Variants in BNC2 observed in about 807,000 individuals in gnomAD.
BNC2 encodes the protein zinc finger protein basonuclin-2.
A neutral mutation model predicts 76.3 loss-of-function variants in BNC2; 20 were observed. That is an observed-to-expected ratio of 0.26 (90% CI 0.18 to 0.38). The LOEUF (loss-of-function observed/expected upper bound fraction) is 0.38, where lower values mean the gene tolerates loss of function less well. Among genes scored for constraint, BNC2 ranks in the 10% least tolerant of loss-of-function variants. The probability of loss-of-function intolerance (pLI) is 1.00; values close to 1 mark genes in which losing one functional copy is unlikely to be tolerated. For synonymous variants in BNC2, 582 were observed against 514.8 expected (o/e 1.13, Z -1.77); for missense variants, 1,382 against 1,399.8 (o/e 0.99, Z 0.20).
rs1042792848 is a variant in BNC2 at position 16,510,564 on chromosome 9, C to T, written c.669+41966G>A. On this transcript the variant is annotated intron_variant, in intron 5 of 6. Transcript: ENST00000380672. Reference sequence around the variant, plus strand: ...TAGCTACATGCTGTATATATTTGCACCAGCTCTTCAAATACAAGACCTAAA... The same window carrying T: ...TAGCTACATGCTGTATATATTTGCATCAGCTCTTCAAATACAAGACCTAAA... 3.9e-5 allele frequency among the ~76,000 whole-genome samples: 6 copies of T among 152,210 alleles called. 1 individual carries two copies. The highest frequency in any genetic ancestry group is 8.8e-5 in the Non-Finnish European group (6 of 68,048).
chr9:16,621,549 A>G (rs1014325244), intron 3 of BNC2, among the ~76,000 whole-genome samples: 3 of 152,200 alleles, frequency 2.0e-5, no homozygotes, highest in Admixed American at 1.3e-4. Flanking sequence ...ATAAGGTTTC[A>G]GTTACTTTTT....
At chr9:16,598,744 C>A (rs929305282) in intron 3 of BNC2, among the ~76,000 whole-genome samples, 1 of 152,134 alleles carries the variant, frequency 6.6e-6, no homozygotes, top group Admixed American at 6.6e-5. Flanking sequence ...CATACTGTAC[C>A]TGAAACCCAA....
chr9:16,700,428 G>A (rs568472055), intron 3 of BNC2, among the ~76,000 whole-genome samples: 5 of 152,178 alleles, frequency 3.3e-5, no homozygotes, highest in East Asian at 1.9e-4. Flanking sequence ...TGAGGATCAC[G>A]TGAGCCCAGG....
chr9:16,707,007 C>T (rs547009917), intron 3 of BNC2, among the ~76,000 whole-genome samples: 226 of 152,304 alleles, frequency 1.5e-3, no homozygotes, highest in African/African-American at 5.1e-3. Flanking sequence ...TCGAGACCAT[C>T]CTGGCTAACA....
chr9:16,513,789 C>T (rs981449750), intron 5 of BNC2, among the ~76,000 whole-genome samples: 2 of 152,136 alleles, frequency 1.3e-5, no homozygotes, highest in African/African-American at 4.8e-5. Flanking sequence ...GAAGGGCAGT[C>T]ATGGGCCTGG....
chr9:16,835,664 T>G (rs1818690032), intron 1 of BNC2, among the ~76,000 whole-genome samples: 1 of 152,196 alleles, frequency 6.6e-6, no homozygotes, highest in African/African-American at 2.4e-5. Flanking sequence ...ATAGCGCCAC[T>G]GCACTCCAGC....
At chr9:16,827,935 C>G (rs1818491156) in intron 1 of BNC2, among the ~76,000 whole-genome samples, 1 of 152,116 alleles carries the variant, frequency 6.6e-6, no homozygotes, top group Admixed American at 6.5e-5. Flanking sequence ...TGTCTGTATT[C>G]TTCATAAAGT....
chr9:16,685,620 C>T (rs1262170866), intron 3 of BNC2: 31 of 1,304,134 alleles, frequency 2.4e-5, no homozygotes, highest in Non-Finnish European at 3.0e-5. Flanking sequence ...CAGTACATGC[C>T]AATGGAACCT....
At chr9:16,528,870 CCA>C (rs1817892358) in intron 5 of BNC2, among the ~76,000 whole-genome samples, 1 of 152,122 alleles carries the variant, frequency 6.6e-6, no homozygotes. Context: ...CCTAGGGCTG[CCA>C]CACCAAATTA....
chr9:16,559,348 C>T (rs1818941475), intron 4 of BNC2, among the ~76,000 whole-genome samples: 1 of 152,148 alleles, frequency 6.6e-6, no homozygotes, highest in Admixed American at 6.5e-5. Context: ...GCCAATTCTT[C>T]TTCCATTGTG....
chr9:16,493,435 C>A (rs1173748526), intron 5 of BNC2, among the ~76,000 whole-genome samples: 1 of 152,206 alleles, frequency 6.6e-6, no homozygotes, highest in Admixed American at 6.5e-5. Flanking sequence ...ACAAACAACT[C>A]ATTCATTCAG....
intron 1 of BNC2, among the ~76,000 whole-genome samples, chr9:16,824,519 T>C (rs1586913585): frequency 6.6e-6 from 1 of 152,154 alleles, no homozygotes; most frequent in South Asian, 2.1e-4. Flanking sequence ...CAAACTGTTA[T>C]CTCCTTGATA....
At chr9:16,517,755 G>T (rs529771670) in intron 5 of BNC2, among the ~76,000 whole-genome samples, 2 of 151,978 alleles carry the variant, frequency 1.3e-5, no homozygotes, top group Admixed American at 1.3e-4. Context: ...TATGCCTGGG[G>T]TGTTTATATA....
intron 4 of BNC2, among the ~76,000 whole-genome samples, chr9:16,569,989 G>C (rs1819274830): frequency 6.6e-6 from 1 of 152,068 alleles, no homozygotes; most frequent in Non-Finnish European, 1.5e-5. Context: ...AGTAACTATT[G>C]AGATTTGCTA....
chr9:16,419,591 C>T lies in BNC2; in HGVS notation c.2698G>A (p.Gly900Ser), dbSNP rs781416101. 1.2e-6 allele frequency: 2 copies of T among 1,610,316 alleles called. No individual in the cohort carries two copies. The highest frequency in any genetic ancestry group is 1.7e-6 in the Non-Finnish European group (2 of 1,179,664). Residue 900 changes from glycine to serine, a missense_variant, in exon 7 of 7, where the codon GGC becomes AGC. By Grantham distance (56) the Gly-to-Ser change is moderately conservative (BLOSUM62 0). This residue lies in a region of BNC2 where 798 missense variants were observed against 775.5 expected (regional missense o/e 1.03). Coordinates refer to ENST00000380672, the MANE Select transcript of BNC2 (RefSeq NM_017637.6). Reference protein sequence around the residue: ...KLLTKELDDMGLDSSQPSLSK... With the variant: ...KLLTKELDDMSLDSSQPSLSK... Reference sequence around the variant, plus strand: ...AGGGAGGGCTGCGACGAGTCCAGGCCCATGTCATCGAGTTCTTTGGTCAAC... The same window carrying T: ...AGGGAGGGCTGCGACGAGTCCAGGCTCATGTCATCGAGTTCTTTGGTCAAC...
intron 5 of BNC2, among the ~76,000 whole-genome samples, chr9:16,547,115 C>A (rs1397845796): frequency 6.6e-6 from 1 of 152,206 alleles, no homozygotes; most frequent in African/African-American, 2.4e-5. Flanking sequence ...TTGGCAACAT[C>A]TATAAGAGGA....
intron 6 of BNC2, among the ~76,000 whole-genome samples, chr9:16,434,656 T>C (rs117690840): frequency 3.0e-4 from 45 of 152,330 alleles, no homozygotes; most frequent in Non-Finnish European, 5.0e-4. Flanking sequence ...ATTCCATTTA[T>C]ACTGCATTTT....
intron 1 of BNC2, among the ~76,000 whole-genome samples, chr9:16,774,512 C>T (rs1367538779): frequency 6.6e-6 from 1 of 152,204 alleles, no homozygotes; most frequent in Non-Finnish European, 1.5e-5. Context: ...CTTCGAAAGA[C>T]ATTTGGAATA....
chr9:16,438,239 A>C (rs1456939850), intron 5 of BNC2, among the ~76,000 whole-genome samples: 1 of 152,212 alleles, frequency 6.6e-6, no homozygotes, highest in African/African-American at 2.4e-5. Flanking sequence ...CCTATGATTC[A>C]AAGTTTGAGT....
Sources: gnomAD v4.1 joint callset for allele counts (sites outside exome capture counted in the v4.1 genomes callset) on GRCh38, gnomAD v4.1.1 for gene constraint, gnomAD v4.1.1 regional missense constraint, MANE v1.5 for transcripts, NCBI Gene and HGNC (gene_info 2026-07-23, HGNC 2026-07-21) for gene names.